Variants in BCOR observed in about 807,000 individuals in gnomAD.
BCOR encodes the protein BCL-6 corepressor.
Under a neutral mutation model 86.7 loss-of-function variants are expected in BCOR, and 10 were observed. That is an observed-to-expected ratio of 0.12 (90% CI 0.07 to 0.20). The LOEUF (loss-of-function observed/expected upper bound fraction) is 0.20, where lower values mean the gene tolerates loss of function less well. Among genes scored for constraint, BCOR ranks in the 10% least tolerant of loss-of-function variants. The pLI is 1.00. For synonymous variants in BCOR, 611 were observed against 609.0 expected (o/e 1.00, Z -0.05); for missense variants, 1,259 against 1,452.1 (o/e 0.87, Z 2.16).
intron 1 of BCOR, among the ~76,000 whole-genome samples, chrX:40,080,684 TCTCCAGGG>T (rs1378272487): frequency 9.0e-6 from 1 of 111,092 alleles, no homozygotes; most frequent in African/African-American, 3.3e-5. Context: ...CATCTCCCCT[TCTCCAGGG>T]CTCCTCCTTT....
At position 40,074,719 on chromosome X, in the gene BCOR, C is replaced by T. The variant is rs1366096747; in HGVS notation, c.627G>A (p.Ser209=). 6.6e-6 allele frequency: 8 copies of T among 1,211,169 alleles called. No homozygotes were observed. In the East Asian group the frequency reaches 8.9e-5, roughly 13 times the overall value. ...ACATGTTCAGTGAATACTTATTTGG[C>T]GAGTCGAGGAAAGGGTAGATGGCTG... ...ATPAIYPFLD[S]PNKYSLNMYK... is the part of the protein sequence containing the mutation. Residue 209 remains serine (S), a synonymous_variant, in exon 4 of 15, where the codon TCG becomes TCA. Coordinates refer to ENST00000378444, the MANE Select transcript of BCOR (RefSeq NM_001123385.2).
chrX:40,172,835 C>G (rs964300331), intron 1 of BCOR, among the ~76,000 whole-genome samples: 1 of 112,688 alleles, frequency 8.9e-6, no homozygotes, highest in East Asian at 2.8e-4. Context: ...ACGTTTAGCT[C>G]CGGCACCCGG....
upstream of BCOR, among the ~76,000 whole-genome samples, chrX:40,098,843 G>A (rs1937011050): frequency 8.9e-6 from 1 of 112,442 alleles, no homozygotes; most frequent in South Asian, 3.7e-4. Flanking sequence ...TCAATTGTGT[G>A]GGAATTGTTT....
At chrX:40,110,697 T>C (rs1937293895) in intron 1 of BCOR, among the ~76,000 whole-genome samples, 3 of 28,523 alleles carry the variant, frequency 1.1e-4, no homozygotes, top group African/African-American at 4.7e-4. Flanking sequence ...TTTTTTTTTT[T>C]TTTTTTTTTT....
chrX:40,151,173 G>A (rs1216291549), intron 1 of BCOR, among the ~76,000 whole-genome samples: 1 of 112,223 alleles, frequency 8.9e-6, no homozygotes, highest in African/African-American at 3.2e-5. Context: ...CAAACCAAGA[G>A]GAAAAGCATC....
At chrX:40,134,048 G>A (rs1937635245) in intron 1 of BCOR, among the ~76,000 whole-genome samples, 1 of 108,935 alleles carries the variant, frequency 9.2e-6, no homozygotes, top group Non-Finnish European at 1.9e-5. Context: ...ATTTGGGAGG[G>A]GCTCCGCAGA....
intron 1 of BCOR, among the ~76,000 whole-genome samples, chrX:40,155,230 C>T (rs1369769905): frequency 8.9e-6 from 1 of 112,818 alleles, no homozygotes; most frequent in African/African-American, 3.2e-5. Flanking sequence ...CAGCCAAGGT[C>T]CTCCGGCTCT....
At chrX:40,141,466 C>T (rs746073454) in intron 1 of BCOR, among the ~76,000 whole-genome samples, 4 of 112,424 alleles carry the variant, frequency 3.6e-5, no homozygotes, top group East Asian at 2.8e-4. Context: ...ACACTGAGAG[C>T]GCCCCAAGGG....
At chrX:40,075,536 T>C (rs767522755) in intron 3 of BCOR, among the ~76,000 whole-genome samples, 1 of 111,546 alleles carries the variant, frequency 9.0e-6, no homozygotes, top group East Asian at 2.8e-4. Flanking sequence ...GGCGGGCAGA[T>C]TGCCTGAGCT....
At chrX:40,062,562 T>C (rs1934944625) in intron 9 of BCOR, among the ~76,000 whole-genome samples, 169 bp from the exon 10 acceptor site, 1 of 109,285 alleles carries the variant, frequency 9.2e-6, no homozygotes, top group Non-Finnish European at 1.9e-5. Context: ...GGGAAGGGAT[T>C]TCATTCTTAC....
intron 1 of BCOR, among the ~76,000 whole-genome samples, chrX:40,131,866 AC>A (rs770977750): frequency 9.0e-6 from 1 of 111,546 alleles, no homozygotes; most frequent in East Asian, 2.8e-4. Context: ...CCCATGAGAT[AC>A]CGTGGTGGTT....
At chrX:40,103,678 G>T (rs1239978359) in intron 1 of BCOR, among the ~76,000 whole-genome samples, 2 of 111,745 alleles carry the variant, frequency 1.8e-5, no homozygotes, top group African/African-American at 6.5e-5. Flanking sequence ...CCACATTTTT[G>T]AATCTTCCTT....
chrX:40,083,426 T>G (rs1443355106), intron 1 of BCOR, among the ~76,000 whole-genome samples: 1 of 111,676 alleles, frequency 9.0e-6, no homozygotes, highest in Non-Finnish European at 1.9e-5. Context: ...CGCCCACACC[T>G]CCAAGTTTTG....
chrX:40,095,498 C>T (rs889823397), intron 1 of BCOR, among the ~76,000 whole-genome samples: 1 of 110,289 alleles, frequency 9.1e-6, no homozygotes, highest in Non-Finnish European at 1.9e-5. Flanking sequence ...AGTCTTTACT[C>T]CCAGGCCATT....
intron 1 of BCOR, among the ~76,000 whole-genome samples, chrX:40,080,513 G>A (rs955830680): frequency 1.8e-5 from 2 of 111,172 alleles, no homozygotes; most frequent in East Asian, 2.8e-4. Flanking sequence ...AGGACCTCCC[G>A]GCACCTTCTT....
chrX:40,147,680 C>T (rs1476496771), intron 1 of BCOR, among the ~76,000 whole-genome samples: 1 of 113,292 alleles, frequency 8.8e-6, no homozygotes, highest in Non-Finnish European at 1.9e-5. Flanking sequence ...CAAGACAAAG[C>T]GGGAGTAGAG....
At position 40,084,747 on chromosome X, in the gene BCOR, G is replaced by A. The variant is rs1389438826; in HGVS notation, c.-40-6778C>T. ...ACCACCGAAGGGAACAAGCTATACCGTAAGGCTAATAACAACAGCTATCAT... is the reference window on the plus strand; with the variant it reads ...ACCACCGAAGGGAACAAGCTATACCATAAGGCTAATAACAACAGCTATCAT... On this transcript the variant is annotated intron_variant, in intron 1 of 14. Coordinates refer to ENST00000378444, the MANE Select transcript of BCOR (RefSeq NM_001123385.2). Among the ~76,000 whole-genome samples the A allele has an allele frequency of 5.8e-5, 5 of 85,775 alleles. No individual in the cohort carries two copies. The East Asian group carries it at 1.7e-3, about 28-fold the overall frequency. The allele number at this position is 85,775 out of a possible 115,157, so 74.5% of individuals were successfully genotyped here.
At chrX:40,090,293 G>A (rs1306219347) in intron 1 of BCOR, among the ~76,000 whole-genome samples, 1 of 113,431 alleles carries the variant, frequency 8.8e-6, no homozygotes. Flanking sequence ...CGGCGCCGGG[G>A]CGCTCACCCC....
intron 12 of BCOR, 22 bp from the exon 13 acceptor site, chrX:40,054,355 A>G (rs1360446662): frequency 8.8e-7 from 1 of 1,139,977 alleles, no homozygotes; most frequent in Non-Finnish European, 1.2e-6. Flanking sequence ...GAAAAATAAA[A>G]AAACAAGATA....
Sources: allele counts gnomAD v4.1 joint callset (sites outside exome capture counted in the v4.1 genomes callset), GRCh38; gene constraint gnomAD v4.1.1; transcripts MANE v1.5; gene names NCBI Gene and HGNC (gene_info 2026-07-23, HGNC 2026-07-21).